The following TMC1 variants were observed in gnomAD, a reference collection of about 807,000 sequenced individuals.
TMC1 encodes transmembrane channel-like protein 1.
In TMC1, 84 loss-of-function variants were observed where a neutral mutation model predicts 105.8. That is an observed-to-expected ratio of 0.79 (90% CI 0.67 to 0.95). The LOEUF (loss-of-function observed/expected upper bound fraction) is 0.95. TMC1 is among the 40% of genes least tolerant of loss of function. TMC1 has a pLI of 0.00. For synonymous variants in TMC1, 315 were observed against 311.5 expected, an observed-to-expected ratio of 1.01 and a Z score of -0.12; for missense variants, 817 against 914.1, an observed-to-expected ratio of 0.89 and a Z score of 1.37.
At chr9:72,823,207 T>C (rs1313085702) in intron 20 of TMC1, among the ~76,000 whole-genome samples, 3 of 152,122 alleles carry the variant, frequency 2.0e-5, no homozygotes, top group Non-Finnish European at 4.4e-5. Flanking sequence ...TTTCCTCACT[T>C]TAGAGCCAAA....
chr9:72,714,118 C>T (rs1192274972), intron 8 of TMC1, among the ~76,000 whole-genome samples: 1 of 152,156 alleles, frequency 6.6e-6, no homozygotes, highest in Non-Finnish European at 1.5e-5. Context: ...TTTGATTGCA[C>T]TGTGGTCTGA....
intron 2 of TMC1, among the ~76,000 whole-genome samples, chr9:72,579,246 C>G (rs1824436735): frequency 1.3e-5 from 2 of 152,220 alleles, no homozygotes; most frequent in East Asian, 1.9e-4. Context: ...GCTTCTTTCT[C>G]TGGTTTCTCC....
chr9:72,543,952 C>CTTTCT lies in TMC1; in HGVS notation c.-428+22042_-428+22043insCTTTT, dbSNP rs376392146. ...AGTTTCTTTTTCTTTTTCTTTCTTT[C>CTTTCT]TTTTTTTTTTTTTTTTTGAGATGGA... On this transcript the variant is annotated intron_variant, in intron 1 of 23. Coordinates refer to ENST00000297784, the MANE Select transcript of TMC1 (RefSeq NM_138691.3). 3.9e-4 allele frequency among the ~76,000 whole-genome samples: 53 copies of CTTTCT among 134,374 alleles called. 1 individual carries two copies. The highest frequency in any genetic ancestry group is 3.8e-3 in the Middle Eastern group (1 of 264). The allele number at this position is 134,374 out of a possible 152,430, so 88.2% of individuals were successfully genotyped here. A position where few individuals can be genotyped will look rare whatever the true frequency, so the allele number is the denominator to read the frequency against.
At chr9:72,612,871 C>T (rs991925094) in intron 2 of TMC1, among the ~76,000 whole-genome samples, 2 of 152,080 alleles carry the variant, frequency 1.3e-5, no homozygotes, top group African/African-American at 4.8e-5. Flanking sequence ...TACTGCAATG[C>T]ACAAGACAGC....
chr9:72,830,373 T>C, intron 21 of TMC1, 78 bp from the exon 22 acceptor site: 4 of 959,490 alleles, frequency 4.2e-6, no homozygotes, highest in Non-Finnish European at 6.6e-6. Flanking sequence ...ATTTCATAAT[T>C]TACTTAATGT....
At chr9:72,735,861 GC>G (rs1195319982) in intron 8 of TMC1, among the ~76,000 whole-genome samples, 1 of 152,108 alleles carries the variant, frequency 6.6e-6, no homozygotes, top group African/African-American at 2.4e-5. Flanking sequence ...TCCACCTTCT[GC>G]CCCCTGGCTT....
chr9:72,655,709 T>C (rs1043414071), intron 5 of TMC1: 3 of 425,708 alleles, frequency 7.0e-6, no homozygotes, highest in East Asian at 9.4e-5. Context: ...GCCACTGCAC[T>C]CCAGCCCGGG....
chr9:72,554,583 A>T (rs1389658181), intron 1 of TMC1, among the ~76,000 whole-genome samples: 2 of 152,188 alleles, frequency 1.3e-5, no homozygotes, highest in African/African-American at 4.8e-5. Context: ...ATAGAGTAAC[A>T]GTGCACTGAG....
chr9:72,797,983 A>C (rs1828401802), intron 17 of TMC1, among the ~76,000 whole-genome samples: 1 of 152,236 alleles, frequency 6.6e-6, no homozygotes, highest in Non-Finnish European at 1.5e-5. Flanking sequence ...ACAAAGGTCT[A>C]ATATGCAGAG....
At chr9:72,726,675 A>T (rs1827131096) in intron 8 of TMC1, among the ~76,000 whole-genome samples, 1 of 152,214 alleles carries the variant, frequency 6.6e-6, no homozygotes, top group Non-Finnish European at 1.5e-5. Flanking sequence ...GCATCATTTT[A>T]AATTTATTGT....
chr9:72,835,915 GTTTTTTTTTTTT>G (rs754537281), intron 23 of TMC1, 24 bp from the exon 24 acceptor site: 6 of 1,316,978 alleles, frequency 4.6e-6, no homozygotes, highest in Non-Finnish European at 5.1e-6. Flanking sequence ...CTCTCTCCTT[GTTTTTTTTTTTT>G]TTTTTTTTCT....
chr9:72,742,616 T>G (rs962781313), intron 10 of TMC1, 91 bp downstream of exon 10: 14 of 1,079,558 alleles, frequency 1.3e-5, no homozygotes, highest in Non-Finnish European at 2.0e-5. Flanking sequence ...TCTGGACTTT[T>G]GGGAAGACTA....
chr9:72,731,536 C>T (rs1378900402), intron 8 of TMC1, among the ~76,000 whole-genome samples: 1 of 152,304 alleles, frequency 6.6e-6, no homozygotes, highest in South Asian at 2.1e-4. Context: ...AACTTGCAGC[C>T]AGCCTCTCAT....
intron 1 of TMC1, among the ~76,000 whole-genome samples, chr9:72,562,732 T>C (rs1289119331): frequency 1.3e-5 from 2 of 152,144 alleles, no homozygotes; most frequent in East Asian, 3.9e-4. Context: ...AGAAAAATCA[T>C]AGCGAAATGG....
intron 10 of TMC1, among the ~76,000 whole-genome samples, chr9:72,746,873 T>A (rs544512202): frequency 1.3e-5 from 2 of 152,204 alleles, no homozygotes; most frequent in Non-Finnish European, 2.9e-5. Flanking sequence ...CTTAAGGGGA[T>A]CATGCCTAAA....
intron 4 of TMC1, among the ~76,000 whole-genome samples, chr9:72,635,130 G>A (rs1278721610): frequency 6.6e-6 from 1 of 152,054 alleles, no homozygotes; most frequent in African/African-American, 2.4e-5. Flanking sequence ...GCACATGCCT[G>A]TAATCCTAGC....
intron 19 of TMC1, 101 bp from the exon 20 acceptor site, chr9:72,820,741 C>A: frequency 6.8e-7 from 1 of 1,467,278 alleles, no homozygotes; most frequent in Non-Finnish European, 9.4e-7. Context: ...AGTGTATTTT[C>A]TGCCTTTGGA....
Position 72,835,958 on chromosome 9 carries a change from T to G in TMC1, c.2268T>G (p.Ala756=). The change falls in exon 24 of 24, where the codon GCT becomes GCG. Residue 756 remains alanine, a synonymous_variant. Transcript: ENST00000297784. ...KKMAAARAAA[A]AGRQ ...TTTCTGTTTTGTGAACAGCTGCAGC[T>G]GCTGGTCGCCAGTAATAAGTATCCT... 1 of 1,363,066 alleles carries G rather than the reference T, an allele frequency of 7.3e-7. No individual in the cohort carries two copies. The highest frequency in any genetic ancestry group is 1.0e-6 in the Non-Finnish European group (1 of 973,788). 84.4% of individuals were successfully genotyped at this position (1,363,066 alleles called of 1,614,324 possible).
chr9:72,587,917 C>T (rs759345341), intron 2 of TMC1, among the ~76,000 whole-genome samples: 1 of 151,702 alleles, frequency 6.6e-6, no homozygotes, highest in South Asian at 2.1e-4. Flanking sequence ...TCACAAATAG[C>T]CGGAATTACA....
Sources: gnomAD v4.1 joint callset for allele counts (sites outside exome capture counted in the v4.1 genomes callset) on GRCh38, gnomAD v4.1.1 for gene constraint, MANE v1.5 for transcripts, NCBI Gene and HGNC (gene_info 2026-07-23, HGNC 2026-07-21) for gene names.